The following SNTG1 variants were observed in gnomAD, a reference collection of about 807,000 sequenced individuals.
SNTG1 encodes the protein gamma-1-syntrophin.
SNTG1 carries 39 observed loss-of-function variants against 74.7 expected under a neutral mutation model. That is an observed-to-expected ratio of 0.52 (90% CI 0.40 to 0.68). SNTG1 has a LOEUF of 0.68. Among genes scored for constraint, SNTG1 ranks in the 30% least tolerant of loss-of-function variants. SNTG1 has a pLI of 0.00. For missense variants in SNTG1, 685 were observed against 609.5 expected, an observed-to-expected ratio of 1.12 and a Z score of -1.30; for synonymous variants, 254 against 217.1, an observed-to-expected ratio of 1.17 and a Z score of -1.49.
intron 2 of SNTG1, among the ~76,000 whole-genome samples, chr8:50,237,330 A>AT (rs1164391910): frequency 6.6e-6 from 1 of 152,096 alleles, no homozygotes; most frequent in African/African-American, 2.4e-5. Context: ...GGGTTCCATT[A>AT]TTTTTGGCAA....
At chr8:50,501,229 C>T (rs945124118) in intron 8 of SNTG1, among the ~76,000 whole-genome samples, 5 of 151,888 alleles carry the variant, frequency 3.3e-5, no homozygotes, top group African/African-American at 9.7e-5. Context: ...TGAGAAAGTG[C>T]CCGGCCTGTT....
At chr8:50,532,418 A>G (rs1411217280) in intron 10 of SNTG1, among the ~76,000 whole-genome samples, 2 of 152,252 alleles carry the variant, frequency 1.3e-5, no homozygotes, top group Non-Finnish European at 2.9e-5. Flanking sequence ...ACAAAAGCAT[A>G]CAATTAACTA....
chr8:50,760,195 T>C (rs979986433), intron 18 of SNTG1, among the ~76,000 whole-genome samples: 1 of 152,170 alleles, frequency 6.6e-6, no homozygotes, highest in Non-Finnish European at 1.5e-5. Flanking sequence ...ATTTATTTTG[T>C]ATCCTGAGAC....
At chr8:50,690,664 C>T (rs1480679485) in intron 15 of SNTG1, among the ~76,000 whole-genome samples, 2 of 152,124 alleles carry the variant, frequency 1.3e-5, no homozygotes, top group Non-Finnish European at 2.9e-5. Context: ...TGTTTTACTT[C>T]CAACTATGTG....
intron 1 of SNTG1, among the ~76,000 whole-genome samples, chr8:50,021,107 G>T (rs566849342): frequency 7.4e-4 from 113 of 152,252 alleles, no homozygotes; most frequent in African/African-American, 2.4e-3. Context: ...GCCCACAAAA[G>T]CCTGAGTACT....
At position 49,958,610 on chromosome 8, in the gene SNTG1, A is replaced by G. The variant is rs112973845; in HGVS notation, c.-103+46379A>G. 1.9e-4 allele frequency among the ~76,000 whole-genome samples: 29 copies of G among 152,156 alleles called. 2 individuals are homozygous for G. The highest frequency in any genetic ancestry group is 3.1e-4 in the African/African-American group (13 of 41,528). On this transcript the variant is annotated intron_variant, in intron 1 of 18. Coordinates refer to ENST00000642720, the MANE Select transcript of SNTG1 (RefSeq NM_018967.5). ...TAATTTTGGTAATTTTAGTAGAGAC[A>G]AGGTTTCACCATGTTGGCCAGGCTG...
intron 9 of SNTG1, among the ~76,000 whole-genome samples, chr8:50,506,745 A>G (rs1395479466): frequency 6.6e-6 from 1 of 152,050 alleles, no homozygotes; most frequent in Non-Finnish European, 1.5e-5. Context: ...ATATAAGCTC[A>G]TATCTGCAAA....
chr8:50,600,660 T>C (rs931212629), intron 13 of SNTG1, among the ~76,000 whole-genome samples: 40 of 152,288 alleles, frequency 2.6e-4, no homozygotes, highest in African/African-American at 9.1e-4. Flanking sequence ...TCTCTAATTT[T>C]ATTTATTTGG....
At position 49,911,923 on chromosome 8, in the gene SNTG1, C is replaced by G. The variant is rs2129332969; in HGVS notation, c.-411C>G. The G allele has an allele frequency of 6.6e-6, 1 of 152,394 alleles. No homozygotes were observed. The highest frequency in any genetic ancestry group is 3.4e-3 in the Middle Eastern group (1 of 296). 9.4% of individuals were successfully genotyped at this position (152,394 alleles called of 1,614,324 possible). On this transcript the variant is annotated 5_prime_UTR_variant, in exon 1 of 19. Coordinates refer to ENST00000642720, the MANE Select transcript of SNTG1 (RefSeq NM_018967.5). ...CCTCTACACCTGCTGTACCTAAGGA[C>G]AGGACTCTGAGGAGTACTCTTGCTC...
rs3086088 is a variant in SNTG1, at chr8:50,164,092, C to CTTTTTTTTTTTTTTT, written c.-102-8458_-102-8444dup. 87 of 72,004 alleles carry CTTTTTTTTTTTTTTT rather than the reference C, an allele frequency of 1.2e-3. 1 individual carries two copies. Among genetic ancestry groups the CTTTTTTTTTTTTTTT allele is most frequent in the Admixed American group, 1.7e-3 (10 of 5,956 alleles). The allele number at this position is 72,004 out of a possible 1,614,324, so 4.5% of individuals were successfully genotyped here. A position where few individuals can be genotyped will look rare whatever the true frequency, so the allele number is the denominator to read the frequency against. On this transcript the variant is annotated intron_variant, in intron 1 of 18. Coordinates refer to ENST00000642720, the MANE Select transcript of SNTG1 (RefSeq NM_018967.5). ...AGACTTTGATAGAAAGACACAATTT[C>CTTTTTTTTTTTTTTT]TTTTTTTTTTTTTTTTTTTTTTTTT...
chr8:50,617,555 A>G (rs1226132642), intron 13 of SNTG1, among the ~76,000 whole-genome samples: 1 of 152,208 alleles, frequency 6.6e-6, no homozygotes, highest in Non-Finnish European at 1.5e-5. Context: ...TGAGCCACAG[A>G]CAAAACTCCT....
Position 50,331,823 on chromosome 8 carries a change from T to A in SNTG1, c.-27-62389T>A, listed in dbSNP as rs77381499. Among the ~76,000 whole-genome samples the A allele has an allele frequency of 2.5e-3, 387 of 152,306 alleles. 1 individual carries two copies. The highest frequency in any genetic ancestry group is 8.7e-3 in the African/African-American group (363 of 41,566). On this transcript the variant is annotated intron_variant, in intron 2 of 18. Transcript: ENST00000642720. Reference sequence around the variant, plus strand: ...CTCAATTTCTTTACGTCAGAACTTATAATGAGAACAACTGGGTAGCTGAAG... The same window carrying A: ...CTCAATTTCTTTACGTCAGAACTTAAAATGAGAACAACTGGGTAGCTGAAG...
At position 50,461,156 on chromosome 8, in the gene SNTG1, G is replaced by GGTGTGTGTGT. The variant is rs71233496; in HGVS notation, c.363+10467_363+10476dup. On this transcript the variant is annotated intron_variant, in intron 8 of 18. Transcript: ENST00000642720. ...AATGTCCTTCAGCTGAGATTTTTCTGGTGTGTGTGTGTGTGTGTGTGTGTG... is the reference window on the plus strand; with the variant it reads ...AATGTCCTTCAGCTGAGATTTTTCTGGTGTGTGTGTGTGTGTGTGTGTGTGTGTGTGTGTG... Among the ~76,000 whole-genome samples the GGTGTGTGTGT allele has an allele frequency of 1.3e-3, 158 of 124,166 alleles. 2 individuals are homozygous for GGTGTGTGTGT. The highest frequency in any genetic ancestry group is 2.8e-3 in the African/African-American group (94 of 33,182). The allele number at this position is 124,166 out of a possible 152,430, so 81.5% of individuals were successfully genotyped here.
At chr8:49,950,614 T>C (rs1340881180) in intron 1 of SNTG1, among the ~76,000 whole-genome samples, 6 of 152,202 alleles carry the variant, frequency 3.9e-5, no homozygotes, top group African/African-American at 1.4e-4. Context: ...CTATGGCAAA[T>C]ACTTAAAGTT....
chr8:50,563,138 C>T (rs1158000671), intron 12 of SNTG1, among the ~76,000 whole-genome samples: 2 of 152,142 alleles, frequency 1.3e-5, no homozygotes, highest in Non-Finnish European at 2.9e-5. Flanking sequence ...AAGACGGCAA[C>T]TGATCCCTGA....
chr8:50,160,460 G>A (rs961304467), intron 1 of SNTG1, among the ~76,000 whole-genome samples: 4 of 152,102 alleles, frequency 2.6e-5, no homozygotes, highest in African/African-American at 4.8e-5. Context: ...AGGGTCATAT[G>A]GATTGCTTAA....
chr8:50,723,256 T>A (rs1489897726), intron 17 of SNTG1, among the ~76,000 whole-genome samples: 1 of 152,170 alleles, frequency 6.6e-6, no homozygotes, highest in African/African-American at 2.4e-5. Flanking sequence ...TATTCAAAAA[T>A]TTCATCATAC....
At chr8:50,163,732 T>TC (rs2082510765) in intron 1 of SNTG1, 1 of 152,164 alleles carries the variant, frequency 6.6e-6, no homozygotes, top group African/African-American at 2.4e-5. Flanking sequence ...GTCTGCCGCC[T>TC]CCACCTCCCA....
chr8:50,699,309 A>G (rs2095415674), intron 15 of SNTG1, among the ~76,000 whole-genome samples: 1 of 152,172 alleles, frequency 6.6e-6, no homozygotes, highest in Admixed American at 6.5e-5. Flanking sequence ...CATAAAGTAA[A>G]CATGAAATTA....
Sources: allele counts gnomAD v4.1 joint callset (sites outside exome capture counted in the v4.1 genomes callset), GRCh38; gene constraint gnomAD v4.1.1; transcripts MANE v1.5; gene names NCBI Gene and HGNC (gene_info 2026-07-23, HGNC 2026-07-21).